The following CORO2B variants were observed in gnomAD, a reference collection of about 807,000 sequenced individuals.
CORO2B encodes the protein coronin 2B.
In CORO2B, 26 loss-of-function variants were observed where a neutral mutation model predicts 58.8. The ratio of observed to expected loss-of-function variants is 0.44; its 90% CI spans 0.32 to 0.61. CORO2B has a LOEUF of 0.61. Ranked by LOEUF, CORO2B falls within the 20% of genes least tolerant of loss-of-function variation. CORO2B has a pLI of 0.04. For missense variants in CORO2B, 460 were observed against 645.1 expected (o/e 0.71, Z 3.11); for synonymous variants, 242 against 253.8 (o/e 0.95, Z 0.44).
chr15:68,637,168 G>T (rs1191493070), intron 1 of CORO2B, among the ~76,000 whole-genome samples: 3 of 152,220 alleles, frequency 2.0e-5, no homozygotes, highest in African/African-American at 7.2e-5. Flanking sequence ...CAGGGCAGGG[G>T]TCTGAGAGAC....
At chr15:68,576,993 G>A (rs1899300312), upstream of CORO2B, among the ~76,000 whole-genome samples, 1 of 152,120 alleles carries the variant, frequency 6.6e-6, no homozygotes, top group Non-Finnish European at 1.5e-5. Flanking sequence ...GCAAGGAGGT[G>A]GTGCCGTGAG....
chr15:68,536,782 G>A, the CORO2B span, among the ~76,000 whole-genome samples: 1 of 152,190 alleles, frequency 6.6e-6, no homozygotes, highest in Non-Finnish European at 1.5e-5. Flanking sequence ...ACTAAGGTCT[G>A]GCCAATGACA....
At chr15:68,614,110 T>A (rs896779756) in intron 1 of CORO2B, among the ~76,000 whole-genome samples, 25 of 152,172 alleles carry the variant, frequency 1.6e-4, no homozygotes, top group African/African-American at 5.8e-4. Flanking sequence ...CACACAGACC[T>A]CCCGAATCAG....
chr15:68,535,690 A>T, the CORO2B span, among the ~76,000 whole-genome samples: 1 of 152,186 alleles, frequency 6.6e-6, no homozygotes, highest in African/African-American at 2.4e-5. Context: ...ATTTGGGAGG[A>T]CACAGTCAAC....
intron 1 of CORO2B, among the ~76,000 whole-genome samples, chr15:68,637,630 A>T (rs1460830681): frequency 6.6e-6 from 1 of 152,176 alleles, no homozygotes; most frequent in Admixed American, 6.5e-5. Context: ...ACCAAACTAG[A>T]TGGAAAGTGC....
At chr15:68,531,582 A>AAGAGAAAGAG in the CORO2B span, among the ~76,000 whole-genome samples, 1 of 149,460 alleles carries the variant, frequency 6.7e-6, no homozygotes. Flanking sequence ...AAGAGAAAGA[A>AAGAGAAAGAG]AGAGAAAGAA....
At chr15:68,629,598 G>T (rs773608578) in intron 1 of CORO2B, among the ~76,000 whole-genome samples, 1 of 152,170 alleles carries the variant, frequency 6.6e-6, no homozygotes. Context: ...GGGATGAAAC[G>T]ATGTGCAGGG....
At chr15:68,521,450 A>G in the CORO2B span, among the ~76,000 whole-genome samples, 2 of 152,302 alleles carry the variant, frequency 1.3e-5, no homozygotes, top group East Asian at 3.9e-4. Flanking sequence ...TGAATGTCAC[A>G]TTACATTATT....
chr15:68,544,815 C>T, the CORO2B span, among the ~76,000 whole-genome samples: 5 of 149,862 alleles, frequency 3.3e-5, no homozygotes, highest in South Asian at 2.1e-4. Context: ...CTCGCTCTGT[C>T]GCCCAGGCTG....
At chr15:68,698,022 C>T (rs1303826383) in intron 3 of CORO2B, among the ~76,000 whole-genome samples, 1 of 152,116 alleles carries the variant, frequency 6.6e-6, no homozygotes, top group Non-Finnish European at 1.5e-5. Flanking sequence ...AGGTAGTAGC[C>T]CCTGGAACTC....
chr15:68,532,714 G>T, the CORO2B span, among the ~76,000 whole-genome samples: 1 of 152,178 alleles, frequency 6.6e-6, no homozygotes, highest in South Asian at 2.1e-4. Context: ...GCTTAATTGT[G>T]AATATTACGC....
chr15:68,604,005 T>TA (rs1214912155), intron 1 of CORO2B, among the ~76,000 whole-genome samples: 1 of 152,158 alleles, frequency 6.6e-6, no homozygotes, highest in Non-Finnish European at 1.5e-5. Flanking sequence ...AGGTTCAGCA[T>TA]AAGAGCCCAG....
chr15:68,648,763 A>G (rs1402892737), intron 2 of CORO2B, among the ~76,000 whole-genome samples: 1 of 152,256 alleles, frequency 6.6e-6, no homozygotes, highest in Non-Finnish European at 1.5e-5. Context: ...GAAAAGATTT[A>G]AAAGAGTAAT....
the CORO2B span, among the ~76,000 whole-genome samples, chr15:68,541,105 T>C: frequency 6.6e-6 from 1 of 152,060 alleles, no homozygotes; most frequent in African/African-American, 2.4e-5. Flanking sequence ...TGTGGTAGTG[T>C]GTGCCTATAG....
intron 1 of CORO2B, among the ~76,000 whole-genome samples, chr15:68,611,361 C>A (rs1900243560): frequency 6.6e-6 from 1 of 152,182 alleles, no homozygotes; most frequent in Non-Finnish European, 1.5e-5. Flanking sequence ...CAAGGTACCA[C>A]CCTTTGCATT....
intron 2 of CORO2B, among the ~76,000 whole-genome samples, chr15:68,685,769 G>GATTA (rs56117331): frequency 0.88 from 133,667 of 152,028 alleles, 60,092 homozygotes; most frequent in East Asian, 1. Context: ...TTGTTTGATT[G>GATTA]ATTAAACACT....
intron 2 of CORO2B, among the ~76,000 whole-genome samples, chr15:68,684,966 C>T (rs1371744440): frequency 6.6e-6 from 1 of 152,188 alleles, no homozygotes; most frequent in Non-Finnish European, 1.5e-5. Context: ...GCAACCTAAT[C>T]AGATGGTCTG....
intron 2 of CORO2B, among the ~76,000 whole-genome samples, chr15:68,664,139 A>G (rs1444172443): frequency 1.3e-5 from 2 of 152,232 alleles, no homozygotes; most frequent in African/African-American, 4.8e-5. Flanking sequence ...TGGTGGGTTT[A>G]TGAATGTACA....
In CORO2B at chr15:68,707,675, G is replaced by T. The variant is rs1301823139; in HGVS notation, c.334-3057G>T. On this transcript the variant is annotated intron_variant, in intron 3 of 11. Coordinates refer to ENST00000261861, the MANE Select transcript of CORO2B (RefSeq NM_006091.5). Reference sequence around the variant, plus strand: ...ATCCCTTCTGGGTAAAAAGAAAGAAGTGTGTGTGTCTATATGTCTGTGTCT... The same window carrying T: ...ATCCCTTCTGGGTAAAAAGAAAGAATTGTGTGTGTCTATATGTCTGTGTCT... Among the ~76,000 whole-genome samples, 3 of 152,180 alleles carry T rather than the reference G, an allele frequency of 2.0e-5. No individual in the cohort carries two copies. In the East Asian group the frequency reaches 5.8e-4, roughly 29 times the overall value.
Sources: allele counts gnomAD v4.1 joint callset (sites outside exome capture counted in the v4.1 genomes callset), GRCh38; gene constraint gnomAD v4.1.1; transcripts MANE v1.5; gene names NCBI Gene and HGNC (gene_info 2026-07-23, HGNC 2026-07-21).